The following ATG14 variants were observed in gnomAD, a reference collection of about 807,000 sequenced individuals.
ATG14 encodes autophagy related 14, also known as beclin 1-associated autophagy-related key regulator.
ATG14 carries 35 observed loss-of-function variants against 60.4 expected under a neutral mutation model. The observed-to-expected ratio is 0.58, with a 90% CI of 0.44 to 0.77. The LOEUF (loss-of-function observed/expected upper bound fraction) is 0.77. Among genes scored for constraint, ATG14 ranks in the 30% least tolerant of loss-of-function variants. The probability of loss-of-function intolerance (pLI) is 0.00; values close to 1 mark genes in which losing one functional copy is unlikely to be tolerated. For synonymous variants in ATG14, 234 were observed against 228.8 expected, an observed-to-expected ratio of 1.02 and a Z score of -0.21; for missense variants, 647 against 626.3, an observed-to-expected ratio of 1.03 and a Z score of -0.35.
chr14:55,374,415 T>C lies in ATG14; in HGVS notation c.1172+3404A>G, dbSNP rs367587694. On this transcript the variant is annotated intron_variant, in intron 9 of 9. Coordinates refer to ENST00000247178, the MANE Select transcript of ATG14 (RefSeq NM_014924.5). ...GGTTGTTGGTCTTTCCTGTACTGAT[T>C]TGAAAGATTTCAGTTGTCTAGATTT... 9.8e-5 allele frequency among the ~76,000 whole-genome samples: 15 copies of C among 152,360 alleles called. No individual in the cohort carries two copies. In the East Asian group the frequency reaches 1.3e-3, roughly 14 times the overall value.
intron 1 of ATG14, among the ~76,000 whole-genome samples, chr14:55,401,026 T>G (rs1885390016): frequency 2.0e-5 from 3 of 152,074 alleles, no homozygotes; most frequent in Admixed American, 2.0e-4. Context: ...CTAAAACACT[T>G]TATACAGTTT....
At chr14:55,370,008 C>G in intron 9 of ATG14, 83 bp from the exon 10 acceptor site, 1 of 1,370,830 alleles carries the variant, frequency 7.3e-7, no homozygotes, top group Non-Finnish European at 9.9e-7. Context: ...AAGGCCCTCA[C>G]CTGAGGGGAT....
At chr14:55,379,548 A>T (rs980516922) in intron 7 of ATG14, among the ~76,000 whole-genome samples, 2 of 152,176 alleles carry the variant, frequency 1.3e-5, no homozygotes, top group African/African-American at 4.8e-5. Flanking sequence ...CTGTCTTAAG[A>T]AAAAGAAGAA....
chr14:55,379,706 A>G (rs1884992714), intron 7 of ATG14, among the ~76,000 whole-genome samples: 1 of 152,118 alleles, frequency 6.6e-6, no homozygotes, highest in African/African-American at 2.4e-5. Flanking sequence ...GGTAGGCTGT[A>G]TATCTTTAAA....
intron 1 of ATG14, among the ~76,000 whole-genome samples, chr14:55,400,107 G>C (rs150829952): frequency 5.4e-4 from 82 of 152,296 alleles, no homozygotes; most frequent in African/African-American, 1.9e-3. Flanking sequence ...TAAAGCAAAA[G>C]AGCAAATGAT....
rs147196526 is a variant in ATG14 at position 55,376,155 on chromosome 14, C to T, written c.1172+1664G>A. 3.9e-5 allele frequency among the ~76,000 whole-genome samples: 6 copies of T among 152,314 alleles called. No homozygotes were observed. In the East Asian group the frequency reaches 1.2e-3, roughly 29 times the overall value. ...ACCCTGGCTCCACCACTTGTACTGG[C>T]TCTGTGACCATGGCCATGAGTTACT... On this transcript the variant is annotated intron_variant, in intron 9 of 9. Transcript: ENST00000247178.
intron 4 of ATG14, among the ~76,000 whole-genome samples, chr14:55,390,231 C>A (rs188542240): frequency 6.6e-6 from 1 of 151,910 alleles, no homozygotes; most frequent in Non-Finnish European, 1.5e-5. Flanking sequence ...CCACCACGCC[C>A]GGCTAATTTT....
chr14:55,401,497 T>A (rs1301043482), intron 1 of ATG14, among the ~76,000 whole-genome samples: 1 of 152,224 alleles, frequency 6.6e-6, no homozygotes, highest in Non-Finnish European at 1.5e-5. Context: ...CAACACTATT[T>A]TCCGTATTTT....
chr14:55,407,398 G>A (rs1196449757), intron 1 of ATG14, among the ~76,000 whole-genome samples: 1 of 152,174 alleles, frequency 6.6e-6, no homozygotes, highest in Non-Finnish European at 1.5e-5. Flanking sequence ...CAAAGTGCTG[G>A]GATTACAGGC....
In ATG14 at chr14:55,369,653, G is replaced by C; in HGVS notation, c.1445C>G (p.Thr482Ser). 6.5e-7 allele frequency: 1 copy of C among 1,546,184 alleles called. No individual in the cohort carries two copies. The highest frequency in any genetic ancestry group is 1.2e-5 in the South Asian group (1 of 80,676). The change falls in exon 10 of 10, where the codon ACC becomes AGC. Residue 482 changes from threonine (T) to serine (S), a missense_variant. Transcript: ENST00000247178. ...TCCAGTGTAAGCTTTAAACCAGGAG[G>C]TCACCGAGGCTGCTGCAGAGGAGAT... The part of the protein sequence containing the change: ...GMISSAAASV[T>S]SWFKAYTGHR
intron 7 of ATG14, among the ~76,000 whole-genome samples, 192 bp from the exon 8 acceptor site, chr14:55,378,266 C>G (rs1252052379): frequency 3.3e-5 from 5 of 152,224 alleles, no homozygotes; most frequent in African/African-American, 1.2e-4. Flanking sequence ...ATACAAATTA[C>G]AAATGCACAT....
chr14:55,400,673 C>T (rs1046665081), intron 1 of ATG14, among the ~76,000 whole-genome samples: 6 of 152,182 alleles, frequency 3.9e-5, no homozygotes, highest in East Asian at 1.9e-4. Context: ...GAGGCCAAGG[C>T]GGGTGGATCA....
intron 7 of ATG14, 99 bp from the exon 8 acceptor site, chr14:55,378,173 T>C (rs1441637482): frequency 2.1e-6 from 2 of 974,694 alleles, no homozygotes; most frequent in Admixed American, 2.4e-5. Flanking sequence ...ACATACTCTG[T>C]GCCCTTTTAC....
chr14:55,397,478 T>C (rs746596070), intron 1 of ATG14, 44 bp from the exon 2 acceptor site: 1 of 1,471,316 alleles, frequency 6.8e-7, no homozygotes, highest in East Asian at 2.3e-5. Context: ...GGTCATTTTT[T>C]CAGTTCAATG....
chr14:55,371,020 T>G (rs1431104206), intron 9 of ATG14, among the ~76,000 whole-genome samples: 1 of 152,144 alleles, frequency 6.6e-6, no homozygotes, highest in East Asian at 1.9e-4. Context: ...ATGTCCTCCC[T>G]GTAGGCAGCC....
rs1379705968 is a variant in ATG14 at position 55,397,448 on chromosome 14, A to C, written c.222-14T>G. Reference sequence around the variant, plus strand: ...TTGTCGATAAACCTGTAACAAAAAAATTCAATGTCTTATTTAAATGGTCAT... The same window carrying C: ...TTGTCGATAAACCTGTAACAAAAAACTTCAATGTCTTATTTAAATGGTCAT... On this transcript the variant is annotated splice_polypyrimidine_tract_variant and intron_variant, in intron 1 of 9. Transcript: ENST00000247178. 1.2e-6 allele frequency: 2 copies of C among 1,602,530 alleles called. No homozygotes were observed. Among genetic ancestry groups the C allele is most frequent in the Non-Finnish European group, 1.7e-6 (2 of 1,170,052 alleles).
intron 1 of ATG14, among the ~76,000 whole-genome samples, chr14:55,408,703 T>C (rs1209014760): frequency 6.6e-6 from 1 of 152,180 alleles, no homozygotes; most frequent in East Asian, 1.9e-4. Flanking sequence ...CCCAGGAGTC[T>C]GAGGCTGCCG....
rs773298929 is a variant in ATG14 at position 55,382,167 on chromosome 14, C to T, written c.672G>A (p.Glu224=). 3 of 1,614,164 alleles carry T rather than the reference C, an allele frequency of 1.9e-6. No homozygotes were observed. Among genetic ancestry groups the T allele is most frequent in the African/African-American group, 2.7e-5 (2 of 75,038 alleles). The change falls in exon 6 of 10, where the codon GAG becomes GAA. Residue 224 remains glutamate, a synonymous_variant. Transcript: ENST00000247178. ...GVRDPADVSS[E]SDSAMTSSTV... ...TGCTGGAGGTCATGGCACTGTCACT[C>T]TCTGAAGACACATCTGCGGGGTCTC...
chr14:55,390,937 C>A lies in ATG14; in HGVS notation c.383G>T (p.Cys128Phe), dbSNP rs769011785. Reference sequence around the variant, plus strand: ...TTTCTCCATTTCTTCATTTCCTTTACATATTGTTTGTTTTAACTGTTCAAT... The same window carrying A: ...TTTCTCCATTTCTTCATTTCCTTTAAATATTGTTTGTTTTAACTGTTCAAT... ...MRIEQLKQTI[C>F]KGNEEMEKNS... The change falls in exon 4 of 10, where the codon TGT becomes TTT. Residue 128 changes from cysteine (C) to phenylalanine (F), a missense_variant. By Grantham distance (205) the Cys-to-Phe change is radical. Coordinates refer to ENST00000247178, the MANE Select transcript of ATG14 (RefSeq NM_014924.5). 6.2e-7 allele frequency: 1 copy of A among 1,603,722 alleles called. No individual in the cohort carries two copies. The highest frequency in any genetic ancestry group is 8.5e-7 in the Non-Finnish European group (1 of 1,173,518).
Sources: allele counts gnomAD v4.1 joint callset (sites outside exome capture counted in the v4.1 genomes callset), GRCh38; gene constraint gnomAD v4.1.1; transcripts MANE v1.5; gene names NCBI Gene and HGNC (gene_info 2026-07-23, HGNC 2026-07-21).